SLC9A5: variants seen among roughly 807,000 people sequenced by gnomAD.
SLC9A5 encodes the protein solute carrier family 9 member A5.
Under a neutral mutation model 91.7 loss-of-function variants are expected in SLC9A5, and 52 were observed. The ratio of observed to expected loss-of-function variants is 0.57; its 90% confidence interval spans 0.45 to 0.71. The LOEUF is 0.71. SLC9A5 is among the 30% of genes least tolerant of loss of function. The probability of loss-of-function intolerance (pLI) is 0.00; values close to 1 mark genes in which losing one functional copy is unlikely to be tolerated. For missense variants in SLC9A5, 871 were observed against 1,158.9 expected (o/e 0.75, Z 3.61); for synonymous variants, 419 against 474.5 (o/e 0.88, Z 1.52).
intron 12 of SLC9A5, chr16:67,262,811 T>C (rs2035574488): frequency 6.2e-6 from 1 of 160,462 alleles, no homozygotes. Context: ...GCCTCAGGCC[T>C]GGGGCAGAAA....
At chr16:67,268,658 T>TATA (rs2035799129) in intron 15 of SLC9A5, among the ~76,000 whole-genome samples, 1 of 42,324 alleles carries the variant, frequency 2.4e-5, no homozygotes, top group Non-Finnish European at 4.2e-5. Context: ...ATTTCCCTGA[T>TATA]TATATATATA....
Position 67,256,879 on chromosome 16 carries a change from C to T in SLC9A5, c.1133-32C>T. 3.7e-6 allele frequency: 6 copies of T among 1,608,342 alleles called. No individual in the cohort carries two copies. Among genetic ancestry groups the T allele is most frequent in the Non-Finnish European group, 5.1e-6 (6 of 1,176,400 alleles). ...GGTCCCACGTCCTCCACTCCCAACG[C>T]TTTGCTCCCACTGGCCTCCCTCCCG... On this transcript the variant is annotated intron_variant, in intron 6 of 15. Transcript: ENST00000299798. This position sits in a 1 kb window ranked among gnomAD's most constrained non-coding sequence, Gnocchi z 4.1.
chr16:67,263,229 G>A (rs930297976), intron 12 of SLC9A5: 1 of 152,274 alleles, frequency 6.6e-6, no homozygotes, highest in East Asian at 1.9e-4. Flanking sequence ...TTCTCCCCAG[G>A]AGAGAGGGTA....
chr16:67,260,645 A>G (rs1199154493), intron 12 of SLC9A5, among the ~76,000 whole-genome samples: 2 of 152,186 alleles, frequency 1.3e-5, no homozygotes, highest in Non-Finnish European at 2.9e-5. Context: ...GAGGAGACAG[A>G]GTACTGGGGG....
intron 12 of SLC9A5, chr16:67,263,129 G>C (rs1252265862): frequency 6.7e-6 from 1 of 150,232 alleles, no homozygotes; most frequent in East Asian, 1.9e-4. Flanking sequence ...ATAGGAGGCA[G>C]CAGGAACTGC....
At position 67,255,682 on chromosome 16, in the gene SLC9A5, C is replaced by T; in HGVS notation, c.734-71C>T. The stretch of plus-strand genomic sequence containing the variant: ...GTGGGCATCATCCCTCACTCCCTGC[C>T]AGGCAGCAGTCTTGTCAGCCCGGGT... On this transcript the variant is annotated intron_variant, in intron 4 of 15. Coordinates refer to ENST00000299798, the MANE Select transcript of SLC9A5 (RefSeq NM_004594.3). The surrounding 1 kb of genome is among the most constrained non-coding windows in gnomAD (Gnocchi z 4.9). 6.7e-7 allele frequency: 1 copy of T among 1,485,014 alleles called. No homozygotes were observed. Among genetic ancestry groups the T allele is most frequent in the Non-Finnish European group, 9.1e-7 (1 of 1,098,932 alleles). The allele number at this position is 1,485,014 out of a possible 1,614,324, so 92.0% of individuals were successfully genotyped here.
intron 1 of SLC9A5, among the ~76,000 whole-genome samples, chr16:67,250,365 A>G (rs554431487): frequency 6.6e-6 from 1 of 152,314 alleles, no homozygotes; most frequent in African/African-American, 2.4e-5. Context: ...GAGAAGTGGG[A>G]GACCAAAGTA....
chr16:67,254,653 C>A (rs1461736834), intron 2 of SLC9A5, among the ~76,000 whole-genome samples: 1 of 152,246 alleles, frequency 6.6e-6, no homozygotes, highest in Non-Finnish European at 1.5e-5. Flanking sequence ...CCACCTCGGC[C>A]TCCCAAAGTG....
At chr16:67,251,060 A>G (rs2035097208) in intron 1 of SLC9A5, among the ~76,000 whole-genome samples, 1 of 152,260 alleles carries the variant, frequency 6.6e-6, no homozygotes, top group South Asian at 2.1e-4. Context: ...TGCATACTTT[A>G]TATCATTTTA....
chr16:67,257,422 G>A lies in SLC9A5; in HGVS notation c.1413G>A (p.Glu471=). 6.2e-7 allele frequency: 1 copy of A among 1,614,200 alleles called. No individual in the cohort carries two copies. Among genetic ancestry groups the A allele is most frequent in the East Asian group, 2.2e-5 (1 of 44,880 alleles). The change falls in exon 8 of 16, where the codon GAG becomes GAA. Residue 471 remains glutamate, a synonymous_variant. Coordinates refer to ENST00000299798, the MANE Select transcript of SLC9A5 (RefSeq NM_004594.3). This position sits in a 1 kb window ranked among gnomAD's most constrained non-coding sequence, Gnocchi z 5.1. The part of the protein sequence containing the change: ...SEHHKPTLNQ[E]LHEHTFDHIL... ...ATCACAAACCCACCCTGAACCAGGA[G>A]CTGCATGAACACGTGGGTATCAGAA...
chr16:67,268,505 T>G (rs2035791737), intron 15 of SLC9A5, among the ~76,000 whole-genome samples: 1 of 149,454 alleles, frequency 6.7e-6, no homozygotes, highest in African/African-American at 2.5e-5. Flanking sequence ...GAGGCTGCAG[T>G]GAGCTATGAT....
In SLC9A5 at chr16:67,256,593, C is replaced by T. The variant is rs1488818531; in HGVS notation, c.1036C>T (p.Leu346=). ...CTGTGCTGAGACCGTGATCTTCATG[C>T]TGCTTGGCATCTCAGCCGTGGACTC... ...ASCAETVIFM[L]LGISAVDSSK... is the part of the protein sequence containing the mutation. Residue 346 remains leucine, a synonymous_variant, in exon 6 of 16, where the codon CTG becomes TTG. Coordinates refer to ENST00000299798, the MANE Select transcript of SLC9A5 (RefSeq NM_004594.3). The surrounding 1 kb of genome is among the most constrained non-coding windows in gnomAD (Gnocchi z 4.1). The T allele has an allele frequency of 1.2e-6, 2 of 1,614,122 alleles. No homozygotes were observed. The highest frequency in any genetic ancestry group is 2.2e-5 in the South Asian group (2 of 91,084).
intron 15 of SLC9A5, among the ~76,000 whole-genome samples, chr16:67,269,376 G>A (rs1360623084): frequency 6.6e-6 from 1 of 152,098 alleles, no homozygotes; most frequent in Non-Finnish European, 1.5e-5. Flanking sequence ...AGACTGCAGT[G>A]AGCTGAGATC....
intron 15 of SLC9A5, among the ~76,000 whole-genome samples, chr16:67,268,085 C>T (rs2035776727): frequency 6.6e-6 from 1 of 151,968 alleles, no homozygotes; most frequent in Non-Finnish European, 1.5e-5. Flanking sequence ...GATCATAGCT[C>T]ACTGCAGCCT....
chr16:67,259,867 C>G lies in SLC9A5; in HGVS notation c.1763C>G (p.Thr588Arg). Residue 588 changes from threonine to arginine, a missense_variant, in exon 12 of 16, where the codon ACA (threonine) becomes AGA (arginine). Thr to Arg is a moderately conservative substitution (Grantham distance 71, BLOSUM62 -1). Around this residue, in one of 3 missense-constraint regions of SLC9A5, gnomAD observed 454 missense variants for 718.3 expected, o/e 0.63. Coordinates refer to ENST00000299798, the MANE Select transcript of SLC9A5 (RefSeq NM_004594.3). Reference sequence around the variant, plus strand: ...TGTCTGGATCTGCAGGTGATTGACACAGTACGCAGCGGCCGGGATCGTGAG... The same window carrying G: ...TGTCTGGATCTGCAGGTGATTGACAGAGTACGCAGCGGCCGGGATCGTGAG... ...GACLDLQVIDTVRSGRDREDA... is the reference protein window; with the variant it reads ...GACLDLQVIDRVRSGRDREDA... 1 of 1,614,202 alleles carries G rather than the reference C, an allele frequency of 6.2e-7. No individual in the cohort carries two copies.
At position 67,257,852 on chromosome 16, in the gene SLC9A5, C is replaced by T. The variant is rs928497306; in HGVS notation, c.1496+251C>T. Among the ~76,000 whole-genome samples the T allele has an allele frequency of 6.6e-6, 1 of 152,222 alleles. No individual in the cohort carries two copies. Among genetic ancestry groups the T allele is most frequent in the African/African-American group, 2.4e-5 (1 of 41,462 alleles). On this transcript the variant is annotated intron_variant, in intron 9 of 15. Coordinates refer to ENST00000299798, the MANE Select transcript of SLC9A5 (RefSeq NM_004594.3). This position sits in a 1 kb window ranked among gnomAD's most constrained non-coding sequence, Gnocchi z 5.1. ...CATGCTCTGCTCTGTCTTTGACTGT[C>T]TGCCTGCTAATTCCATGGACCCTGT...
At position 67,265,083 on chromosome 16, in the gene SLC9A5, G is replaced by A. The variant is rs565752422; in HGVS notation, c.2057G>A (p.Arg686Gln). The change falls in exon 14 of 16, where the codon CGA becomes CAA. Residue 686 changes from arginine (R) to glutamine (Q), a missense_variant. By Grantham distance (43) the Arg-to-Gln change is conservative. Coordinates refer to ENST00000299798, the MANE Select transcript of SLC9A5 (RefSeq NM_004594.3). ...GCTGAGGCTACAAATGGGAAACATC[G>A]AGGCCTGGGCTTTCAGGACACAGGC... ...ANAEATNGKH[R>Q]GLGFQDTAAV... The A allele has an allele frequency of 3.7e-5, 59 of 1,614,046 alleles. 1 individual carries two copies. The South Asian group carries it at 5.7e-4, about 16-fold the overall frequency.
In SLC9A5 at chr16:67,252,456, A is replaced by T; in HGVS notation, c.188-86A>T. 4 of 1,297,836 alleles carry T rather than the reference A, an allele frequency of 3.1e-6. No homozygotes were observed. Among genetic ancestry groups the T allele is most frequent in the Non-Finnish European group, 4.2e-6 (4 of 945,210 alleles). 80.4% of individuals were successfully genotyped at this position (1,297,836 alleles called of 1,614,324 possible). On this transcript the variant is annotated intron_variant, in intron 1 of 15. Transcript: ENST00000299798. The surrounding 1 kb of genome is among the most constrained non-coding windows in gnomAD (Gnocchi z 4.0). Reference sequence around the variant, plus strand: ...CAGAGTGAGACTTCATCTCAAAAAAAAAAAAACAAAACTGGGAGTTCATAG... The same window carrying T: ...CAGAGTGAGACTTCATCTCAAAAAATAAAAAACAAAACTGGGAGTTCATAG...
chr16:67,259,719 G>C (rs1277571784), intron 11 of SLC9A5, 58 bp downstream of exon 11: 2 of 1,595,066 alleles, frequency 1.3e-6, no homozygotes, highest in Non-Finnish European at 8.6e-7. Context: ...CCCTCTCTCT[G>C]AGTCCCTTCT....
Sources: gnomAD v4.1 joint callset for allele counts (sites outside exome capture counted in the v4.1 genomes callset) on GRCh38, gnomAD v4.1.1 for gene constraint, gnomAD v4.1.1 regional missense constraint, Gnocchi (gnomAD v3.1) non-coding constraint, MANE v1.5 for transcripts, NCBI Gene and HGNC (gene_info 2026-07-23, HGNC 2026-07-21) for gene names.